CYB5R2: variants seen among roughly 807,000 people sequenced by gnomAD.
CYB5R2 encodes NADH-cytochrome b5 reductase 2.
CYB5R2 carries 35 observed loss-of-function variants against 29.8 expected under a neutral mutation model. The ratio of observed to expected loss-of-function variants is 1.17; its 90% confidence interval spans 0.90 to 1.56. The LOEUF (loss-of-function observed/expected upper bound fraction) is 1.56, where lower values mean the gene tolerates loss of function less well. Among genes scored for constraint, CYB5R2 ranks in the 40% most tolerant of loss-of-function variants. The pLI is 0.00. For missense variants in CYB5R2, 419 were observed against 346.7 expected (o/e 1.21, Z -1.66); for synonymous variants, 169 against 130.6 (o/e 1.29, Z -2.01).
rs1487346083 is a variant in CYB5R2, at chr11:7,666,453, A to C, written c.656T>G (p.Ile219Ser). Residue 219 changes from isoleucine to serine, a missense_variant and splice_region_variant, in exon 8 of 9, where the codon ATT (isoleucine) becomes AGT (serine). Ile to Ser is a moderately radical substitution (Grantham distance 142). Coordinates refer to ENST00000299498, the MANE Select transcript of CYB5R2 (RefSeq NM_016229.5). ...NLWYTLDRPP[I>S]GWKYSSGFVT... ...AGTGAGGGCAATGGATGTCGTACCAATGGGAGGCCTGTCCAGGGTGTACCA... is the reference window on the plus strand; with the variant it reads ...AGTGAGGGCAATGGATGTCGTACCACTGGGAGGCCTGTCCAGGGTGTACCA... 5 of 1,606,874 alleles carry C rather than the reference A, an allele frequency of 3.1e-6. No individual in the cohort carries two copies. In the African/African-American group the frequency reaches 6.7e-5, roughly 21 times the overall value.
upstream of CYB5R2, chr11:7,674,014 C>T (rs1487322171): frequency 5.2e-6 from 6 of 1,164,436 alleles, no homozygotes; most frequent in African/African-American, 1.6e-5. Flanking sequence ...GCTGGCGGGG[C>T]GCTGAGCCGT....
At position 7,669,596 on chromosome 11, in the gene CYB5R2, G is replaced by A. The variant is rs1444211277; in HGVS notation, c.258+29C>T. The A allele has an allele frequency of 3.9e-6, 6 of 1,524,872 alleles. No individual in the cohort carries two copies. The East Asian group carries it at 1.1e-4, about 29-fold the overall frequency. The allele number at this position is 1,524,872 out of a possible 1,614,324, so 94.5% of individuals were successfully genotyped here. The stretch of plus-strand genomic sequence containing the variant: ...ACCCTCAGTAGGCTTGGAAGCACGA[G>A]CTAGCCAGATATGGTGGGCACTATT... On this transcript the variant is annotated intron_variant, in intron 4 of 8. Coordinates refer to ENST00000299498, the MANE Select transcript of CYB5R2 (RefSeq NM_016229.5).
intron 6 of CYB5R2, among the ~76,000 whole-genome samples, chr11:7,668,104 T>TATTACAGTGCCTGGCA (rs35948845): frequency 1.5e-5 from 2 of 134,954 alleles, no homozygotes; most frequent in African/African-American, 7.5e-5. Context: ...TAAGAATGCC[T>TATTACAGTGCCTGGCA]ATTACAGTGC....
rs552783694 is a variant in CYB5R2 at position 7,669,700 on chromosome 11, A to C, written c.183T>G (p.Asp61Glu). The part of the protein sequence containing the change: ...GNYVQLLAKI[D>E]NELVVRAYTP... ...TGTAAGCCCTGACCACCAATTCATTATCGATTTTTGCCAAGAGCTGGACAT... is the reference window on the plus strand; with the variant it reads ...TGTAAGCCCTGACCACCAATTCATTCTCGATTTTTGCCAAGAGCTGGACAT... The change falls in exon 4 of 9, where the codon GAT (aspartate) becomes GAG (glutamate). Residue 61 changes from aspartate to glutamate, a missense_variant. By Grantham distance (45) the Asp-to-Glu change is conservative. Transcript: ENST00000299498. The C allele has an allele frequency of 1.9e-6, 3 of 1,614,150 alleles. No individual in the cohort carries two copies. Among genetic ancestry groups the C allele is most frequent in the African/African-American group, 2.7e-5 (2 of 75,050 alleles).
rs958160259 is a variant in CYB5R2 at position 7,673,462 on chromosome 11, G to A, written c.-110C>T. On this transcript the variant is annotated 5_prime_UTR_variant, in exon 1 of 9. Transcript: ENST00000299498. Reference sequence around the variant, plus strand: ...TCCTCTCCCAACTCAAGCCCGACAGGGAAAGTTGCCTCTCCTCCCGCCGGG... The same window carrying A: ...TCCTCTCCCAACTCAAGCCCGACAGAGAAAGTTGCCTCTCCTCCCGCCGGG... 2 of 986,236 alleles carry A rather than the reference G, an allele frequency of 2.0e-6. No homozygotes were observed. The highest frequency in any genetic ancestry group is 2.4e-6 in the Non-Finnish European group (2 of 830,682). The allele number at this position is 986,236 out of a possible 1,614,324, so 61.1% of individuals were successfully genotyped here.
upstream of CYB5R2, chr11:7,674,011 G>C (rs1855933972): frequency 1.0e-5 from 12 of 1,154,016 alleles, no homozygotes; most frequent in Non-Finnish European, 1.3e-5. Flanking sequence ...GAGGCTGGCG[G>C]GGCGCTGAGC....
At position 7,672,058 on chromosome 11, in the gene CYB5R2, A is replaced by C. The variant is rs376041992; in HGVS notation, c.151+393T>G. On this transcript the variant is annotated intron_variant, in intron 3 of 8. Transcript: ENST00000299498. ...TAGTTTCTGAATTTTCATATCCATC[A>C]GTCACTCTACTTTCACAACAACCCA... is the stretch of plus-strand genomic sequence containing the variant. The C allele has an allele frequency of 1.6e-4, 29 of 183,830 alleles. No individual in the cohort carries two copies. In the South Asian group the frequency reaches 2.4e-3, roughly 15 times the overall value. 11.4% of individuals were successfully genotyped at this position (183,830 alleles called of 1,614,324 possible).
Position 7,669,020 on chromosome 11 carries a change from G to GTAGGGTACTTTTTGTACCCTAC in CYB5R2, c.388+184_388+185insGTAGGGTACAAAAAGTACCCTA, listed in dbSNP as rs780082835. ...CAAGTCATTCCCCTACCTTACAAAA[G>GTAGGGTACTTTTTGTACCCTAC]CTGACAACCTCATGAAGTGGGTGTG... On this transcript the variant is annotated intron_variant, in intron 5 of 8. Coordinates refer to ENST00000299498, the MANE Select transcript of CYB5R2 (RefSeq NM_016229.5). 6 of 766,608 alleles carry GTAGGGTACTTTTTGTACCCTAC rather than the reference G, an allele frequency of 7.8e-6. No individual in the cohort carries two copies. The East Asian group carries it at 1.3e-4, about 17-fold the overall frequency. 47.5% of individuals were successfully genotyped at this position (766,608 alleles called of 1,614,324 possible). A position where few individuals can be genotyped will look rare whatever the true frequency, so the allele number is the denominator to read the frequency against.
At chr11:7,666,772 G>T in intron 7 of CYB5R2, 1 of 433,614 alleles carries the variant, frequency 2.3e-6, no homozygotes, top group Non-Finnish European at 4.2e-6. Context: ...ACCTCCATGG[G>T]ATGTAGGTTC....
At chr11:7,666,668 G>C in intron 7 of CYB5R2, 118 bp from the exon 8 acceptor site, 1 of 632,980 alleles carries the variant, frequency 1.6e-6, no homozygotes, top group South Asian at 2.0e-5. Context: ...TGGAGTGCTC[G>C]CTGCCAACTC....
At chr11:7,673,365 G>A in intron 1 of CYB5R2, 54 bp downstream of exon 1, 7 of 1,003,070 alleles carry the variant, frequency 7.0e-6, no homozygotes, top group Non-Finnish European at 8.3e-6. Flanking sequence ...GGGCGAAGGG[G>A]GCCTGGGCAC....
intron 7 of CYB5R2, 30 bp from the exon 8 acceptor site, chr11:7,666,580 C>G (rs773163882): frequency 6.5e-7 from 1 of 1,532,584 alleles, no homozygotes. Context: ...GAAAAAGCCC[C>G]TCCAGGGCCA....
upstream of CYB5R2, chr11:7,673,790 C>T (rs1218665367): frequency 1.0e-5 from 10 of 987,876 alleles, no homozygotes; most frequent in South Asian, 3.3e-4. Flanking sequence ...GGCCCGCAGA[C>T]TCGTGGCGTC....
At chr11:7,668,944 T>G in intron 5 of CYB5R2, 1 of 626,852 alleles carries the variant, frequency 1.6e-6, no homozygotes, top group South Asian at 1.7e-5. Context: ...CAGGCACCAT[T>G]TATGTATCAG....
chr11:7,665,952 C>T lies in CYB5R2; in HGVS notation c.659-406G>A, dbSNP rs1212011854. On this transcript the variant is annotated intron_variant, in intron 8 of 8. Transcript: ENST00000299498. ...GCCGACCAGGGACCTGTATGACAAG[C>T]AGGTACAGCCGGGAGCAGTGTGAGA... 1.0e-5 allele frequency: 16 copies of T among 1,530,768 alleles called. No homozygotes were observed. In the Admixed American group the frequency reaches 3.1e-4, roughly 30 times the overall value. 94.8% of individuals were successfully genotyped at this position (1,530,768 alleles called of 1,614,324 possible).
In CYB5R2 at chr11:7,669,367, C is replaced by CCAGA. The variant is rs1366525999; in HGVS notation, c.259-37_259-34dup. ...GCAAGGCAGCACTGCTTTCACATTC[C>CCAGA]CAGACACAATGCCACAGCCACGTAC... On this transcript the variant is annotated intron_variant, in intron 4 of 8. Transcript: ENST00000299498. 12 of 1,588,034 alleles carry CCAGA rather than the reference C, an allele frequency of 7.6e-6. No homozygotes were observed. The African/African-American group carries it at 1.5e-4, about 20-fold the overall frequency.
At chr11:7,669,555 G>T in intron 4 of CYB5R2, 70 bp downstream of exon 4, 2 of 1,327,732 alleles carry the variant, frequency 1.5e-6, no homozygotes, top group Non-Finnish European at 1.0e-6. Flanking sequence ...AAAAAGCACT[G>T]CCCCTCCACC....
intron 8 of CYB5R2, 166 bp from the exon 9 acceptor site, chr11:7,665,712 A>T: frequency 8.7e-7 from 1 of 1,153,930 alleles, no homozygotes; most frequent in Non-Finnish European, 1.2e-6. Flanking sequence ...GAACTAGTAA[A>T]CAGCCCTCTG....
Position 7,672,876 on chromosome 11 carries a change from G to C in CYB5R2, c.-51C>G, listed in dbSNP as rs933192010. 1.9e-5 allele frequency: 30 copies of C among 1,613,466 alleles called. No individual in the cohort carries two copies. The highest frequency in any genetic ancestry group is 2.5e-5 in the Non-Finnish European group (29 of 1,179,766). On this transcript the variant is annotated 5_prime_UTR_variant, in exon 2 of 9. Transcript: ENST00000299498. ...GTGACCCCAGTGACGGTGATGGTCA[G>C]GAGCAGGGACGGGTCCTGGCAGACA...
Sources: gnomAD v4.1 joint callset for allele counts (sites outside exome capture counted in the v4.1 genomes callset) on GRCh38, gnomAD v4.1.1 for gene constraint, MANE v1.5 for transcripts, NCBI Gene and HGNC (gene_info 2026-07-23, HGNC 2026-07-21) for gene names.